CDH3: variants seen among roughly 807,000 people sequenced by gnomAD.
The protein encoded by CDH3 is cadherin-3.
Under a neutral mutation model 82.0 loss-of-function variants are expected in CDH3, and 54 were observed. That is an observed-to-expected ratio of 0.66 (90% CI 0.53 to 0.83). The LOEUF (loss-of-function observed/expected upper bound fraction) is 0.83, where lower values mean the gene tolerates loss of function less well. Among genes scored for constraint, CDH3 ranks in the 40% least tolerant of loss-of-function variants. The probability of loss-of-function intolerance (pLI) is 0.00; values close to 1 mark genes in which losing one functional copy is unlikely to be tolerated. For synonymous variants in CDH3, 446 were observed against 437.9 expected, an observed-to-expected ratio of 1.02 and a Z score of -0.23; for missense variants, 1,054 against 1,084.6, an observed-to-expected ratio of 0.97 and a Z score of 0.40.
At chr16:68,669,725 G>A (rs997183009) in intron 2 of CDH3, among the ~76,000 whole-genome samples, 1 of 152,078 alleles carries the variant, frequency 6.6e-6, no homozygotes, top group African/African-American at 2.4e-5. Context: ...GGAGAGGATT[G>A]GAGTCATTGA....
intron 2 of CDH3, among the ~76,000 whole-genome samples, chr16:68,664,884 A>C (rs962228376): frequency 2.0e-5 from 3 of 151,966 alleles, no homozygotes; most frequent in African/African-American, 7.3e-5. Context: ...TCCTGGACTT[A>C]AGTGACCCAC....
intron 12 of CDH3, among the ~76,000 whole-genome samples, chr16:68,690,069 A>T (rs983640194): frequency 6.6e-6 from 1 of 151,964 alleles, no homozygotes; most frequent in South Asian, 2.1e-4. Context: ...CCCCTTCTCC[A>T]CTCTGGGATT....
exon 2 of CDH3, chr16:68,722,582 T>TG (rs1962176761): frequency 6.6e-6 from 1 of 152,022 alleles, no homozygotes; most frequent in South Asian, 2.1e-4. Context: ...GCACGTGGGG[T>TG]GGACAAGCCA....
At chr16:68,665,555 A>G (rs1380971130) in intron 2 of CDH3, among the ~76,000 whole-genome samples, 2 of 152,184 alleles carry the variant, frequency 1.3e-5, no homozygotes, top group Non-Finnish European at 2.9e-5. Flanking sequence ...ACTGTTAAAC[A>G]GTTTAGAGAT....
intron 8 of CDH3, among the ~76,000 whole-genome samples, chr16:68,681,330 G>A (rs143773944): frequency 3.4e-4 from 51 of 152,238 alleles, no homozygotes; most frequent in Non-Finnish European, 5.7e-4. Flanking sequence ...ATCTATGTAC[G>A]TTTCCTAACA....
At chr16:68,687,822 A>G in intron 12 of CDH3, 86 bp downstream of exon 12, 1 of 909,724 alleles carries the variant, frequency 1.1e-6, no homozygotes, top group South Asian at 1.4e-5. Context: ...ACACGTTCCT[A>G]TCCTAGCATC....
At chr16:68,672,213 T>A (rs1390522678) in intron 2 of CDH3, among the ~76,000 whole-genome samples, 3 of 139,462 alleles carry the variant, frequency 2.2e-5, no homozygotes, top group East Asian at 2.2e-4. Flanking sequence ...AATAAATAAA[T>A]AAAAAATAAA....
At chr16:68,706,064 CAAA>C (rs548695101) in intron 1 of CDH3, among the ~76,000 whole-genome samples, 5 of 70,590 alleles carry the variant, frequency 7.1e-5, no homozygotes, top group Non-Finnish European at 9.2e-5. Flanking sequence ...GACTCCGTCT[CAAA>C]AAAAAAAAAA....
intron 2 of CDH3, among the ~76,000 whole-genome samples, chr16:68,669,088 A>G (rs557363322): frequency 1.3e-5 from 2 of 152,294 alleles, no homozygotes; most frequent in East Asian, 3.9e-4. Context: ...CGTATTCTTC[A>G]TTATTTCCCT....
At chr16:68,662,900 GCT>G (rs1403884438) in intron 2 of CDH3, among the ~76,000 whole-genome samples, 1 of 98,864 alleles carries the variant, frequency 1.0e-5, no homozygotes, top group Non-Finnish European at 1.9e-5. Context: ...AGACAGTCTT[GCT>G]CTGTCACCCA....
At chr16:68,723,228 A>C (rs765736891) in intron 2 of CDH3, among the ~76,000 whole-genome samples, 25 of 152,118 alleles carry the variant, frequency 1.6e-4, no homozygotes, top group Non-Finnish European at 3.4e-4. Flanking sequence ...TGTCCTTCTC[A>C]AGCTTCCTGG....
chr16:68,689,910 G>A (rs558628782), intron 12 of CDH3, among the ~76,000 whole-genome samples: 1 of 152,300 alleles, frequency 6.6e-6, no homozygotes, highest in East Asian at 1.9e-4. Flanking sequence ...GGCATTTAGT[G>A]GTAGAAACCC....
At chr16:68,730,690 A>C (rs1597833926), downstream of CDH3, among the ~76,000 whole-genome samples, 1 of 152,262 alleles carries the variant, frequency 6.6e-6, no homozygotes, top group South Asian at 2.1e-4. Context: ...GCAGACTGAG[A>C]TATTTACAGG....
chr16:68,673,552 G>A (rs1169367569), intron 2 of CDH3, among the ~76,000 whole-genome samples: 1 of 151,430 alleles, frequency 6.6e-6, no homozygotes, highest in Non-Finnish European at 1.5e-5. Flanking sequence ...TCAAACTCAT[G>A]GGCTCAAATG....
At chr16:68,716,387 A>G (rs1319880260) in intron 1 of CDH3, among the ~76,000 whole-genome samples, 1 of 152,068 alleles carries the variant, frequency 6.6e-6, no homozygotes, top group African/African-American at 2.4e-5. Flanking sequence ...TTGGGAAGCC[A>G]AAGTGGGAAG....
chr16:68,650,019 G>A (rs1960192851), intron 2 of CDH3, among the ~76,000 whole-genome samples: 1 of 151,846 alleles, frequency 6.6e-6, no homozygotes, highest in Non-Finnish European at 1.5e-5. Flanking sequence ...GGGCAACAGA[G>A]TGAGACTCCG....
In CDH3 at chr16:68,684,541, C is replaced by T. The variant is rs762977387; in HGVS notation, c.1183-42C>T. On this transcript the variant is annotated intron_variant, in intron 9 of 15. Transcript: ENST00000264012. Reference sequence around the variant, plus strand: ...TCAACTGTCCTGCACAGGACCTCCTCTCAAAATGGTGGTCCAGGTCCTTCT... The same window carrying T: ...TCAACTGTCCTGCACAGGACCTCCTTTCAAAATGGTGGTCCAGGTCCTTCT... 15 of 1,613,402 alleles carry T rather than the reference C, an allele frequency of 9.3e-6. 1 individual carries two copies. Among genetic ancestry groups the T allele is most frequent in the Non-Finnish European group, 1.3e-5 (15 of 1,179,680 alleles).
At chr16:68,689,309 G>A (rs1185642527) in intron 12 of CDH3, among the ~76,000 whole-genome samples, 2 of 151,984 alleles carry the variant, frequency 1.3e-5, no homozygotes, top group Non-Finnish European at 2.9e-5. Context: ...TGAGGTGGGC[G>A]GATCACGAGG....
At chr16:68,690,471 G>A (rs376744035) in intron 12 of CDH3, among the ~76,000 whole-genome samples, 59 of 151,676 alleles carry the variant, frequency 3.9e-4, no homozygotes, top group African/African-American at 1.3e-3. Flanking sequence ...AAACTAGCTG[G>A]GTGTAGTGGC....
Sources: allele counts gnomAD v4.1 joint callset (sites outside exome capture counted in the v4.1 genomes callset), GRCh38; gene constraint gnomAD v4.1.1; transcripts MANE v1.5; gene names NCBI Gene and HGNC (gene_info 2026-07-23, HGNC 2026-07-21).